The following CACNB4 variants were observed in gnomAD, a reference collection of about 807,000 sequenced individuals.
CACNB4 encodes the protein voltage-dependent L-type calcium channel subunit beta-4.
CACNB4 carries 32 observed loss-of-function variants against 71.2 expected under a neutral mutation model. The ratio of observed to expected loss-of-function variants is 0.45; its 90% CI spans 0.34 to 0.60. The LOEUF is 0.60. Among genes scored for constraint, CACNB4 ranks in the 20% least tolerant of loss-of-function variants. CACNB4 has a pLI of 0.01. For missense variants in CACNB4, 464 were observed against 647.9 expected, an observed-to-expected ratio of 0.72 and a Z score of 3.08; for synonymous variants, 231 against 236.9, an observed-to-expected ratio of 0.97 and a Z score of 0.23.
rs569526613 is a variant in CACNB4, at chr2:152,095,303, AC to A, written c.147+3026del. 4.3e-4 allele frequency among the ~76,000 whole-genome samples: 65 copies of A among 152,328 alleles called. 1 individual carries two copies. In the East Asian group the frequency reaches 9.9e-3, roughly 23 times the overall value. ...CAAATGTTCATGTGTGTGCATGCAC[AC>A]ATATGTGCATATATAGTCTCAGAAA... On this transcript the variant is annotated intron_variant, in intron 2 of 13. Transcript: ENST00000539935.
intron 2 of CACNB4, among the ~76,000 whole-genome samples, chr2:151,893,195 G>C (rs556815250): frequency 8.9e-4 from 136 of 152,140 alleles, no homozygotes; most frequent in African/African-American, 3.2e-3. Context: ...CCAGTTAATA[G>C]TGTTGGGAAA....
Position 151,952,988 on chromosome 2 carries a change from G to A in CACNB4, c.148-69618C>T, listed in dbSNP as rs1401751742. Among the ~76,000 whole-genome samples the A allele has an allele frequency of 2.6e-5, 4 of 152,212 alleles. No homozygotes were observed. In the East Asian group the frequency reaches 7.7e-4, roughly 29 times the overall value. On this transcript the variant is annotated intron_variant, in intron 2 of 13. Coordinates refer to ENST00000539935, the MANE Select transcript of CACNB4 (RefSeq NM_000726.5). ...GATGAATAAGTCAGAATGACTTGTG[G>A]AGAAAAGAAGACTGGGTATATGTTT...
chr2:151,858,954 C>T (rs2099840966), intron 10 of CACNB4: 1 of 152,188 alleles, frequency 6.6e-6, no homozygotes, highest in Non-Finnish European at 1.5e-5. Flanking sequence ...CCATCTGTCT[C>T]TTCTGTCTCT....
rs2099834612 is a variant in CACNB4 at position 151,835,051 on chromosome 2, T to C, written c.*4068A>G. ...ATTATGCATATCCTTACCCAGTAAA[T>C]GGCTAAGTCATGCTCTGTGGAAGTC... On this transcript the variant is annotated 3_prime_UTR_variant, in exon 14 of 14. Coordinates refer to ENST00000539935, the MANE Select transcript of CACNB4 (RefSeq NM_000726.5). 1 of 151,968 alleles carries C rather than the reference T, an allele frequency of 6.6e-6. No homozygotes were observed. Among genetic ancestry groups the C allele is most frequent in the Non-Finnish European group, 1.5e-5 (1 of 67,842 alleles). 9.4% of individuals were successfully genotyped at this position (151,968 alleles called of 1,614,324 possible).
chr2:152,000,241 C>T (rs1476692121), intron 2 of CACNB4, among the ~76,000 whole-genome samples: 1 of 152,190 alleles, frequency 6.6e-6, no homozygotes, highest in Non-Finnish European at 1.5e-5. Flanking sequence ...ACCTATCCTC[C>T]CAGAAACGAG....
chr2:151,869,965 A>C (rs1334614910), intron 8 of CACNB4: 1 of 499,568 alleles, frequency 2.0e-6, no homozygotes, highest in East Asian at 3.4e-5. Context: ...CAAACATCTG[A>C]AACGAAGTCT....
At chr2:152,076,662 C>T (rs776409410) in intron 2 of CACNB4, among the ~76,000 whole-genome samples, 1 of 152,180 alleles carries the variant, frequency 6.6e-6, no homozygotes, top group Admixed American at 6.5e-5. Flanking sequence ...GGAAGACATC[C>T]TGTCTATCCT....
At chr2:152,099,129 G>A (rs1688454871), upstream of CACNB4, 2 of 592,876 alleles carry the variant, frequency 3.4e-6, no homozygotes, top group Non-Finnish European at 5.7e-6. Context: ...TCCAGGACCC[G>A]CGCCGGCGCC....
intron 2 of CACNB4, among the ~76,000 whole-genome samples, chr2:152,002,063 C>T (rs1344467899): frequency 1.3e-5 from 2 of 152,238 alleles, no homozygotes; most frequent in African/African-American, 4.8e-5. Context: ...AGAGGGACTG[C>T]TCACAACCTT....
At chr2:151,915,851 A>C (rs1397423597) in intron 2 of CACNB4, among the ~76,000 whole-genome samples, 2 of 139,154 alleles carry the variant, frequency 1.4e-5, no homozygotes, top group Non-Finnish European at 3.2e-5. Context: ...CCATCTCAAA[A>C]AAAAAAAAAA....
intron 2 of CACNB4, among the ~76,000 whole-genome samples, chr2:152,023,769 A>G (rs1354936814): frequency 6.6e-6 from 1 of 152,170 alleles, no homozygotes; most frequent in Non-Finnish European, 1.5e-5. Flanking sequence ...CTGGACTTAC[A>G]TTTTAAATAG....
intron 2 of CACNB4, among the ~76,000 whole-genome samples, chr2:152,065,845 G>T (rs1052256672): frequency 6.6e-6 from 1 of 152,132 alleles, no homozygotes; most frequent in Non-Finnish European, 1.5e-5. Flanking sequence ...GGGCTTAAAC[G>T]ATCCTCCTGT....
At chr2:152,006,800 A>G (rs1682756573) in intron 2 of CACNB4, among the ~76,000 whole-genome samples, 1 of 152,100 alleles carries the variant, frequency 6.6e-6, no homozygotes, top group Non-Finnish European at 1.5e-5. Context: ...GCAGCTGAAT[A>G]TTTAAGTTCC....
At chr2:152,010,715 AG>A (rs1449287060) in intron 2 of CACNB4, among the ~76,000 whole-genome samples, 2 of 152,170 alleles carry the variant, frequency 1.3e-5, no homozygotes, top group Non-Finnish European at 2.9e-5. Flanking sequence ...GGTGCATCTG[AG>A]GGCAAAGCCT....
At chr2:151,935,423 A>C (rs1054755728) in intron 2 of CACNB4, among the ~76,000 whole-genome samples, 5 of 152,252 alleles carry the variant, frequency 3.3e-5, no homozygotes, top group Admixed American at 1.3e-4. Flanking sequence ...CCTTAGCATG[A>C]GGCCGAATTC....
intron 4 of CACNB4, among the ~76,000 whole-genome samples, chr2:151,879,038 G>A (rs1485957030): frequency 6.6e-6 from 1 of 152,072 alleles, no homozygotes; most frequent in African/African-American, 2.4e-5. Flanking sequence ...TAAAATAATA[G>A]GTCTGTTTAT....
chr2:151,973,401 A>T, intron 2 of CACNB4: 2 of 473,732 alleles, frequency 4.2e-6, no homozygotes, highest in Non-Finnish European at 7.6e-6. Context: ...TCAAACGTGG[A>T]CCCGGTAATG....
intron 2 of CACNB4, among the ~76,000 whole-genome samples, chr2:151,992,361 C>T (rs775554688): frequency 6.6e-6 from 1 of 152,204 alleles, no homozygotes; most frequent in Non-Finnish European, 1.5e-5. Flanking sequence ...CAGTTTATCC[C>T]GTGTCCCGGG....
intron 2 of CACNB4, among the ~76,000 whole-genome samples, chr2:152,070,860 C>T (rs766909989): frequency 6.6e-5 from 10 of 152,192 alleles, no homozygotes; most frequent in African/African-American, 1.4e-4. Context: ...CTCTGCCTCC[C>T]GAGTTCAAGC....
Sources: allele counts gnomAD v4.1 joint callset (sites outside exome capture counted in the v4.1 genomes callset), GRCh38; gene constraint gnomAD v4.1.1; transcripts MANE v1.5; gene names NCBI Gene and HGNC (gene_info 2026-07-23, HGNC 2026-07-21).